Variants in DCBLD1 observed in about 807,000 individuals in gnomAD.
The protein encoded by DCBLD1 is discoidin, CUB and LCCL domain-containing protein 1.
A neutral mutation model predicts 71.5 loss-of-function variants in DCBLD1; 57 were observed. The ratio of observed to expected loss-of-function variants is 0.80; its 90% CI spans 0.64 to 0.99. The LOEUF (loss-of-function observed/expected upper bound fraction) is 0.99, where lower values mean the gene tolerates loss of function less well. Among genes scored for constraint, DCBLD1 ranks in the 50% least tolerant of loss-of-function variants. DCBLD1 has a pLI of 0.00. For synonymous variants in DCBLD1, 380 were observed against 363.8 expected, an observed-to-expected ratio of 1.04 and a Z score of -0.51; for missense variants, 891 against 923.5, an observed-to-expected ratio of 0.96 and a Z score of 0.46.
Position 117,521,510 on chromosome 6 carries a change from C to T in DCBLD1, c.461-15C>T. On this transcript the variant is annotated splice_polypyrimidine_tract_variant and intron_variant, in intron 3 of 14. Coordinates refer to ENST00000338728, the MANE Select transcript of DCBLD1 (RefSeq NM_001366458.2). The stretch of plus-strand genomic sequence containing the variant: ...TATTCATTCTATTAATTGCAATTAT[C>T]TTTATTTATGACAGATTTAATAACA... The T allele has an allele frequency of 6.4e-7, 1 of 1,565,646 alleles. No individual in the cohort carries two copies. Among genetic ancestry groups the T allele is most frequent in the East Asian group, 2.3e-5 (1 of 43,106 alleles).
At chr6:117,551,732 T>A (rs1779431517), downstream of DCBLD1, among the ~76,000 whole-genome samples, 1 of 152,224 alleles carries the variant, frequency 6.6e-6, no homozygotes, top group Non-Finnish European at 1.5e-5. Context: ...CTGATTTATT[T>A]GGTCTGACAT....
intron 14 of DCBLD1, chr6:117,569,603 T>C (rs1039771983): frequency 5.6e-6 from 9 of 1,613,214 alleles, no homozygotes; most frequent in Non-Finnish European, 6.8e-6. Context: ...AGCTTCTTTA[T>C]GCTTTGTGTC....
intron 2 of DCBLD1, among the ~76,000 whole-genome samples, chr6:117,510,330 CACACAG>C (rs1236475916): frequency 6.7e-6 from 1 of 149,368 alleles, no homozygotes; most frequent in African/African-American, 2.5e-5. Context: ...CCTTCTAACA[CACACAG>C]ACACAGACAC....
chr6:117,528,283 G>A (rs1396541753), intron 5 of DCBLD1, among the ~76,000 whole-genome samples: 2 of 152,134 alleles, frequency 1.3e-5, no homozygotes, highest in Non-Finnish European at 2.9e-5. Flanking sequence ...TATTGACATG[G>A]TAATTAGGAG....
chr6:117,547,655 C>T (rs371656388), intron 14 of DCBLD1: 1 of 752,142 alleles, frequency 1.3e-6, no homozygotes. Context: ...GTCCCCATGC[C>T]CCAGGACGTC....
chr6:117,549,443 C>T lies in DCBLD1; in HGVS notation c.*1004C>T. ...AGAAATGATTTTCCCCTCAAGGAGGCGTCTGTAATTCCAGAACAGTCCAGA... is the reference window on the plus strand; with the variant it reads ...AGAAATGATTTTCCCCTCAAGGAGGTGTCTGTAATTCCAGAACAGTCCAGA... On this transcript the variant is annotated 3_prime_UTR_variant, in exon 15 of 15. Transcript: ENST00000338728. The T allele has an allele frequency of 2.0e-6, 2 of 985,386 alleles. No homozygotes were observed. The highest frequency in any genetic ancestry group is 2.4e-6 in the Non-Finnish European group (2 of 829,924). The allele number at this position is 985,386 out of a possible 1,614,324, so 61.0% of individuals were successfully genotyped here.
chr6:117,502,714 C>G (rs920118065), intron 1 of DCBLD1, among the ~76,000 whole-genome samples: 10 of 152,008 alleles, frequency 6.6e-5, no homozygotes, highest in Non-Finnish European at 1.2e-4. Context: ...TGCTTCTCTC[C>G]CTCCAGCTGA....
chr6:117,487,717 G>T (rs945310261), intron 1 of DCBLD1, among the ~76,000 whole-genome samples: 1 of 152,130 alleles, frequency 6.6e-6, no homozygotes, highest in Non-Finnish European at 1.5e-5. Flanking sequence ...CTGAAAGTAC[G>T]TATGTAAAAT....
intron 2 of DCBLD1, among the ~76,000 whole-genome samples, chr6:117,518,104 A>G (rs188284161): frequency 4.6e-5 from 7 of 152,282 alleles, no homozygotes; most frequent in African/African-American, 1.7e-4. Flanking sequence ...AATGCCTTTA[A>G]CAGTACCCAA....
intron 14 of DCBLD1, chr6:117,547,469 C>G: frequency 2.2e-6 from 1 of 458,470 alleles, no homozygotes; most frequent in Non-Finnish European, 4.5e-6. Flanking sequence ...CCACTAGGCC[C>G]TGACCTGTTG....
rs1357940867 is a variant in DCBLD1, at chr6:117,543,091, T to C, written c.1358-33T>C. The C allele has an allele frequency of 3.8e-6, 6 of 1,568,276 alleles. No individual in the cohort carries two copies. The South Asian group carries it at 4.4e-5, about 12-fold the overall frequency. The stretch of plus-strand genomic sequence containing the variant: ...ATGAAAAGTGGTTGTTGGTCATTTA[T>C]GTTGTAACGTGATGGCTTTCCGTCT... On this transcript the variant is annotated intron_variant, in intron 11 of 14. Coordinates refer to ENST00000338728, the MANE Select transcript of DCBLD1 (RefSeq NM_001366458.2).
intron 14 of DCBLD1, among the ~76,000 whole-genome samples, chr6:117,557,049 ATCT>A (rs1779503499): frequency 6.6e-6 from 1 of 151,414 alleles, no homozygotes; most frequent in South Asian, 2.1e-4. Flanking sequence ...CTCACTTTTT[ATCT>A]TCTTACTTAG....
chr6:117,543,002 G>A, intron 11 of DCBLD1, 122 bp from the exon 12 acceptor site: 1 of 789,956 alleles, frequency 1.3e-6, no homozygotes, highest in South Asian at 1.6e-5. Flanking sequence ...TGCCTAACAT[G>A]TATTCATTTT....
intron 14 of DCBLD1, among the ~76,000 whole-genome samples, chr6:117,569,038 C>G (rs747879414): frequency 6.6e-6 from 1 of 152,174 alleles, no homozygotes. Context: ...GTATGAATCT[C>G]AATTCTATAA....
At chr6:117,521,640 G>A in intron 4 of DCBLD1, 64 bp downstream of exon 4, 3 of 1,362,060 alleles carry the variant, frequency 2.2e-6, no homozygotes, top group South Asian at 1.3e-5. Flanking sequence ...TTTCTTTCAC[G>A]TTAAACCAGA....
At chr6:117,499,740 A>G (rs925567070) in intron 1 of DCBLD1, among the ~76,000 whole-genome samples, 1 of 152,222 alleles carries the variant, frequency 6.6e-6, no homozygotes, top group Non-Finnish European at 1.5e-5. Flanking sequence ...TAGATTTTTA[A>G]GTAACTTTTG....
At chr6:117,528,011 A>G (rs1367002592) in intron 5 of DCBLD1, among the ~76,000 whole-genome samples, 1 of 152,194 alleles carries the variant, frequency 6.6e-6, no homozygotes, top group Non-Finnish European at 1.5e-5. Flanking sequence ...AGCAGAACAT[A>G]TCACTTAATT....
Position 117,482,677 on chromosome 6 carries a change from C to T in DCBLD1, c.-105C>T. The T allele has an allele frequency of 9.3e-7, 1 of 1,076,978 alleles. No homozygotes were observed. Among genetic ancestry groups the T allele is most frequent in the Non-Finnish European group, 1.1e-6 (1 of 890,192 alleles). 66.7% of individuals were successfully genotyped at this position (1,076,978 alleles called of 1,614,324 possible). On this transcript the variant is annotated 5_prime_UTR_variant, in exon 1 of 15. Coordinates refer to ENST00000338728, the MANE Select transcript of DCBLD1 (RefSeq NM_001366458.2). ...TGCGGGGCAGCGACTGCGCCCCGTC[C>T]CGGCGCCGCGCTCGTCCGCAGAGGA...
chr6:117,514,750 T>C (rs1778134322), intron 2 of DCBLD1, among the ~76,000 whole-genome samples: 1 of 152,146 alleles, frequency 6.6e-6, no homozygotes. Context: ...ACATTTTCCT[T>C]CTTTGATCTG....
Sources: allele counts gnomAD v4.1 joint callset (sites outside exome capture counted in the v4.1 genomes callset), GRCh38; gene constraint gnomAD v4.1.1; transcripts MANE v1.5; gene names NCBI Gene and HGNC (gene_info 2026-07-23, HGNC 2026-07-21).